Variants in RAB11FIP2 observed in about 807,000 individuals in gnomAD.
The protein encoded by RAB11FIP2 is RAB11 family interacting protein 2, also known as rab11 family-interacting protein 2.
RAB11FIP2 carries 16 observed loss-of-function variants against 40.9 expected under a neutral mutation model. That is an observed-to-expected ratio of 0.39 (90% confidence interval 0.26 to 0.59). The LOEUF is 0.59. Ranked by LOEUF, RAB11FIP2 falls within the 20% of genes least tolerant of loss-of-function variation. RAB11FIP2 has a pLI of 0.53. For synonymous variants in RAB11FIP2, 228 were observed against 213.7 expected (o/e 1.07, Z -0.58); for missense variants, 532 against 606.2 (o/e 0.88, Z 1.28).
intron 3 of RAB11FIP2, among the ~76,000 whole-genome samples, chr10:118,038,267 G>T (rs1003588195): frequency 2.0e-5 from 3 of 150,306 alleles, no homozygotes; most frequent in Non-Finnish European, 4.4e-5. Flanking sequence ...AATTTATATA[G>T]ATATAGATTT....
chr10:118,025,388 T>G (rs927467407), intron 3 of RAB11FIP2, among the ~76,000 whole-genome samples: 1 of 152,264 alleles, frequency 6.6e-6, no homozygotes, highest in Admixed American at 6.5e-5. Flanking sequence ...AAATTTCTTA[T>G]GCCACAATAA....
chr10:118,013,604 G>C (rs996700474), intron 4 of RAB11FIP2, among the ~76,000 whole-genome samples: 3 of 152,062 alleles, frequency 2.0e-5, no homozygotes, highest in Non-Finnish European at 4.4e-5. Flanking sequence ...ATCATGATCA[G>C]TACGAAGATG....
At chr10:118,032,961 T>C (rs921768166) in intron 3 of RAB11FIP2, among the ~76,000 whole-genome samples, 3 of 152,156 alleles carry the variant, frequency 2.0e-5, no homozygotes, top group African/African-American at 4.8e-5. Flanking sequence ...ATGGCCCCAA[T>C]GTGCAAGAGG....
At position 118,040,577 on chromosome 10, in the gene RAB11FIP2, G is replaced by GA. The variant is rs561432080; in HGVS notation, c.354-13dup. 2.8e-4 allele frequency: 436 copies of GA among 1,537,486 alleles called. No individual in the cohort carries two copies. The highest frequency in any genetic ancestry group is 3.4e-4 in the South Asian group (28 of 81,266). ...CTAATCTAAACCACCTTAAAGAGAA[G>GA]AAAAAAAAATTGGCTGTAACACATA... On this transcript the variant is annotated splice_polypyrimidine_tract_variant and intron_variant, in intron 1 of 4. Coordinates refer to ENST00000355624, the MANE Select transcript of RAB11FIP2 (RefSeq NM_014904.3).
At chr10:118,016,214 A>C (rs998199497) in intron 3 of RAB11FIP2, among the ~76,000 whole-genome samples, 4 of 152,192 alleles carry the variant, frequency 2.6e-5, no homozygotes, top group Admixed American at 6.5e-5. Flanking sequence ...AGCTTCCAGA[A>C]GTGATTGTTC....
chr10:118,042,275 C>A (rs565780367), intron 1 of RAB11FIP2, among the ~76,000 whole-genome samples: 2 of 152,056 alleles, frequency 1.3e-5, no homozygotes, highest in South Asian at 2.1e-4. Flanking sequence ...AAATTAATTA[C>A]CCCCAAAATG....
intron 4 of RAB11FIP2, among the ~76,000 whole-genome samples, chr10:118,012,568 T>C (rs1846171691): frequency 6.6e-6 from 1 of 151,846 alleles, no homozygotes; most frequent in African/African-American, 2.4e-5. Flanking sequence ...TAACTCCAAA[T>C]AAAATAATGA....
intron 1 of RAB11FIP2, among the ~76,000 whole-genome samples, chr10:118,044,162 G>C (rs1381350800): frequency 1.3e-5 from 2 of 152,250 alleles, no homozygotes; most frequent in South Asian, 2.1e-4. Flanking sequence ...CCCAGGACTA[G>C]GAGTAAAACA....
At chr10:118,019,991 G>A (rs920848392) in intron 3 of RAB11FIP2, among the ~76,000 whole-genome samples, 5 of 152,068 alleles carry the variant, frequency 3.3e-5, no homozygotes, top group Non-Finnish European at 7.4e-5. Context: ...CATCCTAAAA[G>A]CAATTGTATT....
chr10:118,027,128 G>A (rs1454045041), intron 3 of RAB11FIP2, among the ~76,000 whole-genome samples: 1 of 152,148 alleles, frequency 6.6e-6, no homozygotes, highest in Non-Finnish European at 1.5e-5. Context: ...TGCACCATGT[G>A]TAAAACACTA....
intron 3 of RAB11FIP2, among the ~76,000 whole-genome samples, chr10:118,020,401 T>C (rs1353574151): frequency 6.6e-6 from 1 of 152,138 alleles, no homozygotes; most frequent in Non-Finnish European, 1.5e-5. Flanking sequence ...GGTTTGGAAA[T>C]AACTGTGCTC....
chr10:118,025,447 T>C (rs1846331334), intron 3 of RAB11FIP2, among the ~76,000 whole-genome samples: 1 of 152,150 alleles, frequency 6.6e-6, no homozygotes, highest in Admixed American at 6.6e-5. Context: ...AATGTTTCAC[T>C]ACAAGAAGTT....
chr10:118,036,171 T>C (rs952108898), intron 3 of RAB11FIP2, among the ~76,000 whole-genome samples: 9 of 152,064 alleles, frequency 5.9e-5, no homozygotes, highest in African/African-American at 2.2e-4. Context: ...AGGGTAACAA[T>C]ATGGTTCCTA....
chr10:118,022,928 G>A (rs1004038418), intron 3 of RAB11FIP2, among the ~76,000 whole-genome samples: 1 of 152,198 alleles, frequency 6.6e-6, no homozygotes, highest in Admixed American at 6.5e-5. Flanking sequence ...TCCCCAAAGA[G>A]TGGAAGAAAT....
chr10:118,009,057 T>C lies in RAB11FIP2; in HGVS notation c.1480A>G (p.Ser494Gly). 1 of 1,613,652 alleles carries C rather than the reference T, an allele frequency of 6.2e-7. No individual in the cohort carries two copies. The highest frequency in any genetic ancestry group is 8.5e-7 in the Non-Finnish European group (1 of 1,179,626). The change falls in exon 5 of 5, where the codon AGT becomes GGT. Residue 494 changes from serine to glycine, a missense_variant. By Grantham distance (56) the Ser-to-Gly change is moderately conservative. Transcript: ENST00000355624. ...LLVRVMEETP[S>G]ILRVPYEPSR... The stretch of plus-strand genomic sequence containing the variant: ...GGTTCATACGGCACTCTGAGAATAC[T>C]GGGCGTTTCTTCCATTACCCTTACA...
At chr10:118,010,381 T>G (rs1846141707) in intron 4 of RAB11FIP2, among the ~76,000 whole-genome samples, 1 of 152,116 alleles carries the variant, frequency 6.6e-6, no homozygotes, top group African/African-American at 2.4e-5. Context: ...CTATCTAATC[T>G]ATTCAGTGGA....
At chr10:118,039,783 TAA>T (rs1368377381) in intron 2 of RAB11FIP2, 3 of 350,700 alleles carry the variant, frequency 8.6e-6, no homozygotes, top group Non-Finnish European at 1.5e-5. Flanking sequence ...CTTCTGAACA[TAA>T]AAGTTTTCTT....
In RAB11FIP2 at chr10:118,040,162, C is replaced by T. The variant is rs757393408; in HGVS notation, c.757G>A (p.Gly253Arg). Reference sequence around the variant, plus strand: ...GTTCCAAAGGAATCTAACTGGTGTCCGAGAAGATGTGTTTGACCTATGGTG... The same window carrying T: ...GTTCCAAAGGAATCTAACTGGTGTCTGAGAAGATGTGTTTGACCTATGGTG... ...AGTIGQTHLL[G>R]HQLDSFGTVP... Residue 253 changes from glycine (G) to arginine (R), a missense_variant, in exon 2 of 5, where the codon GGA becomes AGA. Transcript: ENST00000355624. 4.3e-6 allele frequency: 7 copies of T among 1,613,498 alleles called. No homozygotes were observed. Among genetic ancestry groups the T allele is most frequent in the African/African-American group, 2.7e-5 (2 of 74,834 alleles).
At chr10:118,010,805 G>C (rs1431920842) in intron 4 of RAB11FIP2, among the ~76,000 whole-genome samples, 1 of 152,026 alleles carries the variant, frequency 6.6e-6, no homozygotes, top group Non-Finnish European at 1.5e-5. Flanking sequence ...AGTGAACTCT[G>C]CTTGTTCAAA....
Sources: gnomAD v4.1 joint callset for allele counts (sites outside exome capture counted in the v4.1 genomes callset) on GRCh38, gnomAD v4.1.1 for gene constraint, MANE v1.5 for transcripts, NCBI Gene and HGNC (gene_info 2026-07-23, HGNC 2026-07-21) for gene names.